Variants in MS4A14 observed in about 807,000 individuals in gnomAD.
MS4A14 encodes the protein membrane-spanning 4-domains subfamily A member 14.
A neutral mutation model predicts 16.7 loss-of-function variants in MS4A14; 18 were observed. That is an observed-to-expected ratio of 1.08 (90% confidence interval 0.75 to 1.60). MS4A14 has a LOEUF of 1.60. Among genes scored for constraint, MS4A14 ranks in the 40% most tolerant of loss-of-function variants. MS4A14 has a pLI of 0.00. For synonymous variants in MS4A14, 305 were observed against 289.4 expected (o/e 1.05, Z -0.55); for missense variants, 812 against 775.3 (o/e 1.05, Z -0.56).
intron 2 of MS4A14, among the ~76,000 whole-genome samples, chr11:60,398,958 T>C (rs942702670): frequency 1.3e-5 from 2 of 152,222 alleles, no homozygotes; most frequent in Non-Finnish European, 2.9e-5. Context: ...CTTTGTGTAC[T>C]CTGCATGTGT....
Position 60,417,064 on chromosome 11 carries a change from G to A in MS4A14, c.*56G>A, listed in dbSNP as rs1456650609. 3 of 1,554,360 alleles carry A rather than the reference G, an allele frequency of 1.9e-6. No individual in the cohort carries two copies. The highest frequency in any genetic ancestry group is 2.6e-6 in the Non-Finnish European group (3 of 1,154,444). On this transcript the variant is annotated 3_prime_UTR_variant, in exon 5 of 5. Coordinates refer to ENST00000300187, the MANE Select transcript of MS4A14 (RefSeq NM_032597.5). ...CACGAGAATGGCAATTTGAAATGAA[G>A]CACTGGCAAACACAGGATCTATTAG...
In MS4A14 at chr11:60,417,218, C is replaced by A; in HGVS notation, c.*210C>A. On this transcript the variant is annotated 3_prime_UTR_variant, in exon 5 of 5. Transcript: ENST00000300187. ...ACAAGACCTTCAATCCAGAGTTACA[C>A]AAAAAGGAGATATGTACACTAGAGA... 1.8e-6 allele frequency: 1 copy of A among 552,842 alleles called. No individual in the cohort carries two copies. Among genetic ancestry groups the A allele is most frequent in the Non-Finnish European group, 3.1e-6 (1 of 326,620 alleles). 34.2% of individuals were successfully genotyped at this position (552,842 alleles called of 1,614,324 possible). A position where few individuals can be genotyped will look rare whatever the true frequency, so the allele number is the denominator to read the frequency against.
At chr11:60,415,062 T>C (rs987123584) in intron 4 of MS4A14, among the ~76,000 whole-genome samples, 3 of 152,150 alleles carry the variant, frequency 2.0e-5, no homozygotes, top group Non-Finnish European at 4.4e-5. Flanking sequence ...CCACATCTAA[T>C]TGTCTTTGAT....
chr11:60,415,467 C>T lies in MS4A14; in HGVS notation c.499C>T (p.Gln167Ter). The change falls in exon 5 of 5, where the codon CAA (glutamine) becomes TAA (stop). Residue 167 changes from glutamine to a stop codon, truncating the protein, a stop_gained. Transcript: ENST00000300187. LOFTEE classifies it low-confidence loss of function (END_TRUNC). ...GTTTTTCTTGCCTTCGGATGTTACT[C>T]AAAATAGTGAACAACCTGCCCCAGA... ...VLFFLPSDVT[Q>*]NSEQPAPEEN... 1.2e-6 allele frequency: 2 copies of T among 1,612,098 alleles called. No homozygotes were observed. Among genetic ancestry groups the T allele is most frequent in the Non-Finnish European group, 1.7e-6 (2 of 1,179,180 alleles).
rs2085941788 is a variant in MS4A14, at chr11:60,416,268, C to T, written c.1300C>T (p.Leu434Phe). 6.8e-6 allele frequency: 11 copies of T among 1,614,032 alleles called. No homozygotes were observed. Among genetic ancestry groups the T allele is most frequent in the Non-Finnish European group, 9.3e-6 (11 of 1,179,972 alleles). ...IVQFPEIQHL[L>F]QQPPDLQPEN... ...GCAGTTCCCTGAAATACAACACCTA[C>T]TTCAGCAGCCCCCAGATCTTCAACC... The change falls in exon 5 of 5, where the codon CTT (leucine) becomes TTT (phenylalanine). Residue 434 changes from leucine to phenylalanine, a missense_variant. By Grantham distance (22) the Leu-to-Phe change is conservative. Transcript: ENST00000300187.
intron 4 of MS4A14, among the ~76,000 whole-genome samples, chr11:60,409,629 A>G (rs946843291): frequency 6.7e-6 from 1 of 149,790 alleles, no homozygotes; most frequent in African/African-American, 2.4e-5. Context: ...GTAGATAGGC[A>G]TTTAGGTTGA....
intron 4 of MS4A14, among the ~76,000 whole-genome samples, chr11:60,407,845 C>T (rs1424519710): frequency 6.6e-6 from 1 of 151,768 alleles, no homozygotes; most frequent in Admixed American, 6.6e-5. Flanking sequence ...CACACTGTGA[C>T]TTGCCTTTTC....
At chr11:60,410,676 C>A (rs1044847669) in intron 4 of MS4A14, among the ~76,000 whole-genome samples, 3 of 152,028 alleles carry the variant, frequency 2.0e-5, no homozygotes, top group African/African-American at 7.2e-5. Flanking sequence ...GTTATTCCAG[C>A]ATCATATGTT....
At chr11:60,414,964 T>C (rs895146232) in intron 4 of MS4A14, among the ~76,000 whole-genome samples, 2 of 152,156 alleles carry the variant, frequency 1.3e-5, no homozygotes, top group Admixed American at 6.6e-5. Flanking sequence ...TAAGTACCTA[T>C]TTATGTAATT....
intron 4 of MS4A14, among the ~76,000 whole-genome samples, chr11:60,409,751 C>T (rs1331877824): frequency 6.6e-6 from 1 of 151,552 alleles, no homozygotes; most frequent in Non-Finnish European, 1.5e-5. Flanking sequence ...ATTTCTGGAT[C>T]ATATTTGTTT....
intron 3 of MS4A14, among the ~76,000 whole-genome samples, chr11:60,401,786 CTT>C (rs2085717413): frequency 1.3e-5 from 2 of 152,112 alleles, no homozygotes; most frequent in Non-Finnish European, 2.9e-5. Flanking sequence ...AAAATAGAGC[CTT>C]GAGAAAACAA....
intron 4 of MS4A14, chr11:60,404,690 CT>C (rs1205613431): frequency 4.6e-6 from 2 of 432,402 alleles, no homozygotes; most frequent in Non-Finnish European, 9.2e-6. Flanking sequence ...TTAACTCATC[CT>C]CATACTTAAA....
Position 60,417,220 on chromosome 11 carries a change from A to G in MS4A14, c.*212A>G. On this transcript the variant is annotated 3_prime_UTR_variant, in exon 5 of 5. Coordinates refer to ENST00000300187, the MANE Select transcript of MS4A14 (RefSeq NM_032597.5). ...AAGACCTTCAATCCAGAGTTACACA[A>G]AAAGGAGATATGTACACTAGAGACA... The G allele has an allele frequency of 5.5e-6, 3 of 543,162 alleles. No homozygotes were observed. The highest frequency in any genetic ancestry group is 3.1e-6 in the Non-Finnish European group (1 of 318,496). 33.6% of individuals were successfully genotyped at this position (543,162 alleles called of 1,614,324 possible).
chr11:60,407,828 A>AT (rs35341258), intron 4 of MS4A14, among the ~76,000 whole-genome samples: 95,845 of 151,860 alleles, frequency 0.63, 30,726 homozygotes, highest in Middle Eastern at 0.72. Flanking sequence ...CTTTACAAAT[A>AT]TTTTTTCACA....
rs548881128 is a variant in MS4A14 at position 60,416,454 on chromosome 11, C to A, written c.1486C>A (p.Gln496Lys). Reference protein sequence around the residue: ...HSLNQQTKALQYLRRHSLDVQ... With the variant: ...HSLNQQTKALKYLRRHSLDVQ... ...CTTAAACCAGCAAACCAAAGCCTTG[C>A]AATACTTAAGGAGACATTCTTTAGA... The change falls in exon 5 of 5, where the codon CAA becomes AAA. Residue 496 changes from glutamine (Q) to lysine (K), a missense_variant. Coordinates refer to ENST00000300187, the MANE Select transcript of MS4A14 (RefSeq NM_032597.5). 195 of 1,613,920 alleles carry A rather than the reference C, an allele frequency of 1.2e-4. 3 individuals are homozygous for A. The South Asian group carries it at 2.0e-3, about 16-fold the overall frequency.
chr11:60,400,493 T>C (rs752394585), intron 3 of MS4A14, 39 bp downstream of exon 3: 43 of 1,421,610 alleles, frequency 3.0e-5, no homozygotes, highest in East Asian at 3.0e-4. Context: ...AAATCTTCTA[T>C]TTGTTTTATA....
rs267603053 is a variant in MS4A14 at position 60,415,955 on chromosome 11, C to T, written c.987C>T (p.Gly329=). The T allele has an allele frequency of 2.5e-6, 4 of 1,613,890 alleles. No homozygotes were observed. The highest frequency in any genetic ancestry group is 2.5e-6 in the Non-Finnish European group (3 of 1,179,930). Residue 329 remains glycine (G), a synonymous_variant, in exon 5 of 5, where the codon GGC becomes GGT. Coordinates refer to ENST00000300187, the MANE Select transcript of MS4A14 (RefSeq NM_032597.5). ...CATCCCAAGCTCTACCAGTAGAAGG[C>T]CTGTCAGAACAAACCATGCCATCTA... ...DLPSQALPVE[G]LSEQTMPSKS...
chr11:60,411,415 A>G (rs2085867797), intron 4 of MS4A14, among the ~76,000 whole-genome samples: 3 of 152,154 alleles, frequency 2.0e-5, no homozygotes, highest in East Asian at 3.9e-4. Flanking sequence ...ATGTCTTTTC[A>G]TTTATTTAGG....
chr11:60,417,142 C>T lies in MS4A14; in HGVS notation c.*134C>T, dbSNP rs1041831555. ...TATACCAAGAAGTCCAAACCCAGCA[C>T]GCAACAGCCCAACATAACCTAGAAT... On this transcript the variant is annotated 3_prime_UTR_variant, in exon 5 of 5. Transcript: ENST00000300187. The T allele has an allele frequency of 4.8e-5, 51 of 1,062,438 alleles. No homozygotes were observed. The highest frequency in any genetic ancestry group is 4.9e-4 in the Middle Eastern group (2 of 4,100). The allele number at this position is 1,062,438 out of a possible 1,614,324, so 65.8% of individuals were successfully genotyped here.
Sources: allele counts gnomAD v4.1 joint callset (sites outside exome capture counted in the v4.1 genomes callset), GRCh38; gene constraint gnomAD v4.1.1; transcripts MANE v1.5; gene names NCBI Gene and HGNC (gene_info 2026-07-23, HGNC 2026-07-21).